Variants in PCDHGB3 observed in about 807,000 individuals in gnomAD.
PCDHGB3 encodes the protein protocadherin gamma-B3.
A neutral mutation model predicts 59.2 loss-of-function variants in PCDHGB3; 40 were observed. The observed-to-expected ratio is 0.68, with a 90% CI of 0.52 to 0.88. PCDHGB3 has a LOEUF of 0.88. Among genes scored for constraint, PCDHGB3 ranks in the 40% least tolerant of loss-of-function variants. The pLI, the probability that PCDHGB3 is intolerant of heterozygous loss-of-function variation, is 0.00. For synonymous variants in PCDHGB3, 581 were observed against 503.6 expected, an observed-to-expected ratio of 1.15 and a Z score of -2.06; for missense variants, 1,309 against 1,187.9, an observed-to-expected ratio of 1.10 and a Z score of -1.50.
In PCDHGB3 at chr5:141,474,958, C is replaced by T. The variant is rs114469479; in HGVS notation, c.2416-19849C>T. On this transcript the variant is annotated intron_variant, in intron 1 of 3. Transcript: ENST00000576222. ...CACAGTGGACTCTTTTATTCACTAT[C>T]CTAATCATTATAATTTTGTTTGGTG... is the stretch of plus-strand genomic sequence containing the variant. Among the ~76,000 whole-genome samples the T allele has an allele frequency of 4.4e-3, 666 of 152,340 alleles. 6 individuals are homozygous for T. The highest frequency in any genetic ancestry group is 0.015 in the African/African-American group (634 of 41,572).
intron 1 of PCDHGB3, chr5:141,441,954 CA>C (rs1240871171): frequency 3.1e-6 from 1 of 319,488 alleles, no homozygotes; most frequent in Non-Finnish European, 6.0e-6. Flanking sequence ...TGCAGGCCAG[CA>C]AGCCCAGGCT....
chr5:141,371,243 T>C lies in PCDHGB3; in HGVS notation c.849T>C (p.Asn283=). 1 of 1,614,002 alleles carries C rather than the reference T, an allele frequency of 6.2e-7. No homozygotes were observed. ...INAEIIYAFI[N]IGKEVRQLFK... ...CCGAAATCATCTATGCCTTCATCAATATTGGCAAGGAAGTGAGACAACTGT... is the reference window on the plus strand; with the variant it reads ...CCGAAATCATCTATGCCTTCATCAACATTGGCAAGGAAGTGAGACAACTGT... Residue 283 remains asparagine (N), a synonymous_variant, in exon 1 of 4, where the codon AAT becomes AAC. Coordinates refer to ENST00000576222, the MANE Select transcript of PCDHGB3 (RefSeq NM_018924.5).
chr5:141,403,626 C>T, intron 1 of PCDHGB3: 1 of 1,613,910 alleles, frequency 6.2e-7, no homozygotes, highest in Non-Finnish European at 8.5e-7. Context: ...CGCTCCAGCA[C>T]AGTGCGCATC....
At position 141,409,469 on chromosome 5, in the gene PCDHGB3, G is replaced by A. The variant is rs1477896340; in HGVS notation, c.2415+36660G>A. On this transcript the variant is annotated intron_variant, in intron 1 of 3. Coordinates refer to ENST00000576222, the MANE Select transcript of PCDHGB3 (RefSeq NM_018924.5). ...GACACCAGAATACAATGTCACCATC[G>A]TAGCCACTGACAGGGGCAAGCCGCC... 9 of 1,613,740 alleles carry A rather than the reference G, an allele frequency of 5.6e-6. No individual in the cohort carries two copies. The African/African-American group carries it at 1.1e-4, about 19-fold the overall frequency.
At chr5:141,402,884 T>G in intron 1 of PCDHGB3, 1 of 1,481,582 alleles carries the variant, frequency 6.7e-7, no homozygotes, top group Non-Finnish European at 9.0e-7. Flanking sequence ...CTTTGCAGGG[T>G]GGAAGAAAGA....
At chr5:141,460,987 A>C (rs201722325) in intron 1 of PCDHGB3, among the ~76,000 whole-genome samples, 1 of 92,990 alleles carries the variant, frequency 1.1e-5, no homozygotes, top group South Asian at 3.4e-4. Context: ...GTGTGTGTAT[A>C]TATATATATG....
At chr5:141,452,895 A>G (rs527695680) in intron 1 of PCDHGB3, among the ~76,000 whole-genome samples, 16 of 152,312 alleles carry the variant, frequency 1.1e-4, no homozygotes, top group African/African-American at 3.6e-4. Flanking sequence ...TTCCACTTTT[A>G]TTAGTTGGCA....
intron 1 of PCDHGB3, chr5:141,426,835 C>G (rs1038394702): frequency 6.6e-6 from 3 of 456,576 alleles, no homozygotes; most frequent in Non-Finnish European, 1.3e-5. Flanking sequence ...ATGGACAAGA[C>G]TAAAGGCAAG....
chr5:141,418,714 T>C, intron 1 of PCDHGB3: 4 of 1,614,000 alleles, frequency 2.5e-6, no homozygotes, highest in Non-Finnish European at 3.4e-6. Flanking sequence ...TTGGTGTGGC[T>C]GACAAAGCTC....
intron 1 of PCDHGB3, chr5:141,408,948 T>C (rs768951087): frequency 6.2e-7 from 1 of 1,613,478 alleles, no homozygotes; most frequent in Non-Finnish European, 8.5e-7. Context: ...GAATATAGAA[T>C]TAGTCTTAGT....
chr5:141,510,834 G>T, intron 3 of PCDHGB3, 113 bp from the exon 4 acceptor site: 1 of 1,581,880 alleles, frequency 6.3e-7, no homozygotes. Flanking sequence ...AGTGCTCAGC[G>T]TGGTCAAGGC....
intron 1 of PCDHGB3, among the ~76,000 whole-genome samples, chr5:141,463,810 A>G (rs1469182885): frequency 6.6e-6 from 1 of 152,178 alleles, no homozygotes; most frequent in Non-Finnish European, 1.5e-5. Context: ...AAAAGCTTTT[A>G]TCACACATTT....
At chr5:141,391,358 G>T (rs2150448712) in intron 1 of PCDHGB3, 1 of 150,474 alleles carries the variant, frequency 6.6e-6, no homozygotes, top group East Asian at 1.9e-4. Context: ...TGTTACTCAG[G>T]CTGTAGTGCA....
rs778770720 is a variant in PCDHGB3 at position 141,375,689 on chromosome 5, G to C, written c.2415+2880G>C. On this transcript the variant is annotated intron_variant, in intron 1 of 3. Coordinates refer to ENST00000576222, the MANE Select transcript of PCDHGB3 (RefSeq NM_018924.5). ...CCTACAGCTGTGGGTGACAGCCAGC[G>C]ACAGCGGGGACCCGCCTCTTAGCAG... 4 of 1,614,250 alleles carry C rather than the reference G, an allele frequency of 2.5e-6. No individual in the cohort carries two copies. In the Admixed American group the frequency reaches 6.7e-5, roughly 27 times the overall value.
chr5:141,431,685 A>C lies in PCDHGB3; in HGVS notation c.2415+58876A>C. The C allele has an allele frequency of 6.2e-7, 1 of 1,614,246 alleles. No homozygotes were observed. Among genetic ancestry groups the C allele is most frequent in the East Asian group, 2.2e-5 (1 of 44,876 alleles). ...ATATCAACAATAGGGGAGTTGGACCACGAGGAGTCAGGATTCTACCAGATG... is the reference window on the plus strand; with the variant it reads ...ATATCAACAATAGGGGAGTTGGACCCCGAGGAGTCAGGATTCTACCAGATG... On this transcript the variant is annotated intron_variant, in intron 1 of 3. Transcript: ENST00000576222. This position sits in a 1 kb window ranked among gnomAD's most constrained non-coding sequence, Gnocchi z 4.8.
rs1594666821 is a variant in PCDHGB3, at chr5:141,487,316, T to C, written c.2416-7491T>C. 6.2e-7 allele frequency: 1 copy of C among 1,614,164 alleles called. No individual in the cohort carries two copies. Among genetic ancestry groups the C allele is most frequent in the South Asian group, 1.1e-5 (1 of 91,080 alleles). On this transcript the variant is annotated intron_variant, in intron 1 of 3. Coordinates refer to ENST00000576222, the MANE Select transcript of PCDHGB3 (RefSeq NM_018924.5). This position sits in a 1 kb window ranked among gnomAD's most constrained non-coding sequence, Gnocchi z 5.0. ...CTCATTCGTGGCACTACTCTCTAAG[T>C]GTCTTCGTGGGGCAGCCTGTGGAGT... is the stretch of plus-strand genomic sequence containing the variant.
At chr5:141,423,501 C>T (rs2096747990) in intron 1 of PCDHGB3, 1 of 1,613,990 alleles carries the variant, frequency 6.2e-7, no homozygotes, top group Non-Finnish European at 8.5e-7. Context: ...CCCACGAGGT[C>T]TCTCTCATTG....
chr5:141,378,051 T>C (rs539609296), intron 1 of PCDHGB3: 1 of 152,310 alleles, frequency 6.6e-6, no homozygotes, highest in East Asian at 1.9e-4. Flanking sequence ...TCCTTATCTA[T>C]CTGACTCAAA....
chr5:141,505,653 G>A (rs1049630228), intron 3 of PCDHGB3, among the ~76,000 whole-genome samples, 172 bp downstream of exon 3: 1 of 152,184 alleles, frequency 6.6e-6, no homozygotes, highest in Non-Finnish European at 1.5e-5. Context: ...TTGTGGCTAA[G>A]GAACAGCAGA....
Sources: gnomAD v4.1 joint callset for allele counts (sites outside exome capture counted in the v4.1 genomes callset) on GRCh38, gnomAD v4.1.1 for gene constraint, Gnocchi (gnomAD v3.1) non-coding constraint, MANE v1.5 for transcripts, NCBI Gene and HGNC (gene_info 2026-07-23, HGNC 2026-07-21) for gene names.